The following CFH variants were observed in gnomAD, a reference collection of about 807,000 sequenced individuals.
CFH encodes H factor 1 (complement).
A neutral mutation model predicts 147.3 loss-of-function variants in CFH; 53 were observed. That is an observed-to-expected ratio of 0.36 (90% CI 0.29 to 0.45). The LOEUF (loss-of-function observed/expected upper bound fraction) is 0.45. Ranked by LOEUF, CFH falls within the 20% of genes least tolerant of loss-of-function variation. The pLI, the probability that CFH is intolerant of heterozygous loss-of-function variation, is 1.00. For missense variants in CFH, 1,380 were observed against 1,498.0 expected, an observed-to-expected ratio of 0.92 and a Z score of 1.30; for synonymous variants, 536 against 489.4, an observed-to-expected ratio of 1.10 and a Z score of -1.26.
rs186711438 is a variant in CFH at position 196,737,517 on chromosome 1, C to G, written c.2639C>G (p.Thr880Ser). ...CAACCACCTCAGATAGAACACGGAA[C>G]CATTAATTCATCCAGGTCTTCACAA... is the stretch of plus-strand genomic sequence containing the variant. ...CSQPPQIEHG[T>S]INSSRSSQES... The change falls in exon 17 of 22, where the codon ACC becomes AGC. Residue 880 changes from threonine (T) to serine (S), a missense_variant. Transcript: ENST00000367429. 6.2e-7 allele frequency: 1 copy of G among 1,613,102 alleles called. No homozygotes were observed. The highest frequency in any genetic ancestry group is 1.3e-5 in the African/African-American group (1 of 74,876).
chr1:196,728,118 G>T (rs1330905825), intron 14 of CFH, among the ~76,000 whole-genome samples: 1 of 151,898 alleles, frequency 6.6e-6, no homozygotes, highest in Non-Finnish European at 1.5e-5. Flanking sequence ...AGAATAAAAT[G>T]TCTTCTGATA....
chr1:196,658,015 T>A (rs1666763106), intron 1 of CFH, among the ~76,000 whole-genome samples: 2 of 152,152 alleles, frequency 1.3e-5, no homozygotes, highest in African/African-American at 4.8e-5. Flanking sequence ...ATGTCAATAA[T>A]AAGTAATTAG....
At chr1:196,729,034 T>G (rs1669218346) in intron 15 of CFH, among the ~76,000 whole-genome samples, 1 of 152,120 alleles carries the variant, frequency 6.6e-6, no homozygotes, top group Non-Finnish European at 1.5e-5. Flanking sequence ...GAAAAGTTAG[T>G]CATATTGACA....
intron 9 of CFH, among the ~76,000 whole-genome samples, chr1:196,703,943 C>A (rs1298354057): frequency 7.5e-6 from 1 of 133,482 alleles, no homozygotes; most frequent in East Asian, 2.6e-4. Context: ...CAAGATCATG[C>A]CACTGCACTC....
chr1:196,701,205 T>C, intron 9 of CFH: 1 of 1,439,556 alleles, frequency 6.9e-7, no homozygotes. Flanking sequence ...AATTACTAAC[T>C]CAGGGAACTC....
At chr1:196,664,759 C>A (rs1247045107) in intron 1 of CFH, among the ~76,000 whole-genome samples, 1 of 152,052 alleles carries the variant, frequency 6.6e-6, no homozygotes, top group African/African-American at 2.4e-5. Context: ...CATAATTTGA[C>A]AATTTTCATA....
intron 19 of CFH, among the ~76,000 whole-genome samples, chr1:196,742,615 T>G (rs537886226): frequency 6.6e-6 from 1 of 152,312 alleles, no homozygotes; most frequent in South Asian, 2.1e-4. Flanking sequence ...CATCATCATC[T>G]TCTTGGAGAT....
chr1:196,665,017 C>A (rs918136842), intron 1 of CFH, among the ~76,000 whole-genome samples: 6 of 151,520 alleles, frequency 4.0e-5, no homozygotes, highest in African/African-American at 1.2e-4. Flanking sequence ...TGATTATCAT[C>A]TCCTTTACAT....
intron 15 of CFH, 112 bp from the exon 16 acceptor site, chr1:196,736,711 TC>T: frequency 2.4e-6 from 1 of 416,368 alleles, no homozygotes; most frequent in Non-Finnish European, 3.6e-6. Context: ...TATTGATCTT[TC>T]TATTTATTCT....
At chr1:196,707,190 G>T (rs1418275502) in intron 9 of CFH, among the ~76,000 whole-genome samples, 2 of 152,094 alleles carry the variant, frequency 1.3e-5, no homozygotes, top group African/African-American at 4.8e-5. Context: ...GCTAAGATTT[G>T]CCAAGAAACT....
chr1:196,747,201 A>G lies in CFH; in HGVS notation c.3584A>G (p.Glu1195Gly), dbSNP rs971266376. Residue 1195 changes from glutamate to glycine, a missense_variant, in exon 22 of 22, where the codon GAA becomes GGA. Transcript: ENST00000367429. ...AKQKLYSRTGESVEFVCKRGY... is the reference protein window; with the variant it reads ...AKQKLYSRTGGSVEFVCKRGY... Reference sequence around the variant, plus strand: ...CAGAAGCTTTATTCGAGAACAGGTGAATCAGTTGAATTTGTGTGTAAACGG... The same window carrying G: ...CAGAAGCTTTATTCGAGAACAGGTGGATCAGTTGAATTTGTGTGTAAACGG... The G allele has an allele frequency of 3.1e-6, 5 of 1,613,940 alleles. No individual in the cohort carries two copies. The highest frequency in any genetic ancestry group is 1.7e-4 in the Middle Eastern group (1 of 6,056).
At chr1:196,690,918 C>A (rs1454793928) in intron 9 of CFH, among the ~76,000 whole-genome samples, 1 of 152,134 alleles carries the variant, frequency 6.6e-6, no homozygotes, top group Non-Finnish European at 1.5e-5. Context: ...AAGGAAGATG[C>A]ACCTGCCATA....
chr1:196,710,994 T>C (rs1436744989), intron 9 of CFH, among the ~76,000 whole-genome samples: 1 of 152,088 alleles, frequency 6.6e-6, no homozygotes, highest in Non-Finnish European at 1.5e-5. Flanking sequence ...TTATTCAGAA[T>C]ATTTTTTATT....
chr1:196,722,818 G>A (rs750997759), intron 11 of CFH, among the ~76,000 whole-genome samples: 1 of 152,044 alleles, frequency 6.6e-6, no homozygotes, highest in Non-Finnish European at 1.5e-5. Context: ...TAATTGGAAA[G>A]ACCTGTCTTC....
intron 9 of CFH, among the ~76,000 whole-genome samples, chr1:196,698,936 A>C (rs1668368841): frequency 6.6e-6 from 1 of 152,142 alleles, no homozygotes; most frequent in Non-Finnish European, 1.5e-5. Flanking sequence ...CAAATCAATA[A>C]ATGTAATGAC....
At chr1:196,734,755 A>G (rs1255096011) in intron 15 of CFH, among the ~76,000 whole-genome samples, 7 of 152,148 alleles carry the variant, frequency 4.6e-5, no homozygotes, top group Non-Finnish European at 8.8e-5. Flanking sequence ...AATCTTGATC[A>G]TTGTTTTTAC....
intron 1 of CFH, among the ~76,000 whole-genome samples, chr1:196,656,735 T>C (rs1666708170): frequency 6.6e-6 from 1 of 151,820 alleles, no homozygotes; most frequent in South Asian, 2.1e-4. Flanking sequence ...TACTGTCTCT[T>C]TGTGGCTGAG....
rs773328208 is a variant in CFH, at chr1:196,713,925, A to G, written c.1519+8A>G. On this transcript the variant is annotated splice_region_variant and intron_variant, in intron 10 of 21. Coordinates refer to ENST00000367429, the MANE Select transcript of CFH (RefSeq NM_000186.4). ...CTCAACCCACGTGCATTAGTAAGTA[A>G]TTTATTATGTTTGTATTGATTATCC... 1.2e-6 allele frequency: 2 copies of G among 1,610,010 alleles called. No individual in the cohort carries two copies.
At chr1:196,719,044 A>G (rs376348128) in intron 11 of CFH, among the ~76,000 whole-genome samples, 2 of 152,032 alleles carry the variant, frequency 1.3e-5, no homozygotes, top group East Asian at 3.9e-4. Context: ...AATTGTTATT[A>G]TGGAGCACTT....
Sources: gnomAD v4.1 joint callset for allele counts (sites outside exome capture counted in the v4.1 genomes callset) on GRCh38, gnomAD v4.1.1 for gene constraint, MANE v1.5 for transcripts, NCBI Gene and HGNC (gene_info 2026-07-23, HGNC 2026-07-21) for gene names.